Variants in TRPV6 observed in about 807,000 individuals in gnomAD.
TRPV6 encodes the protein Alu-binding protein with zinc finger domain.
In TRPV6, 39 loss-of-function variants were observed where a neutral mutation model predicts 79.0. The ratio of observed to expected loss-of-function variants is 0.49; its 90% CI spans 0.38 to 0.64. TRPV6 has a LOEUF of 0.64. TRPV6 is among the 30% of genes least tolerant of loss of function. TRPV6 has a pLI of 0.00. For missense variants in TRPV6, 813 were observed against 1,011.1 expected (o/e 0.80, Z 2.66); for synonymous variants, 373 against 391.9 (o/e 0.95, Z 0.57).
At chr7:142,884,438 AG>A (rs1795257747) in intron 1 of TRPV6, 1 of 152,320 alleles carries the variant, frequency 6.6e-6, no homozygotes, top group African/African-American at 2.4e-5. Context: ...TTCGTGACCC[AG>A]GGAAAGCCCC....
rs747456435 is a variant in TRPV6 at position 142,874,669 on chromosome 7, G to A, written c.1407-13C>T. 6.8e-6 allele frequency: 11 copies of A among 1,610,210 alleles called. No individual in the cohort carries two copies. In the Admixed American group the frequency reaches 1.8e-4, roughly 27 times the overall value. On this transcript the variant is annotated splice_polypyrimidine_tract_variant and intron_variant, in intron 10 of 14. Coordinates refer to ENST00000359396, the MANE Select transcript of TRPV6 (RefSeq NM_018646.6). ...GGCATAGGTGATGCTGGGGGAGCAG[G>A]GAGGAGGGTGATGAGGGGAGGGCTG... is the stretch of plus-strand genomic sequence containing the variant.
At chr7:142,875,188 A>G in intron 8 of TRPV6, 24 bp from the exon 9 acceptor site, 1 of 1,613,460 alleles carries the variant, frequency 6.2e-7, no homozygotes, top group Non-Finnish European at 8.5e-7. Flanking sequence ...AGAACAGTCA[A>G]AATGCTCAGG....
In TRPV6 at chr7:142,877,290, G is replaced by A. The variant is rs773307571; in HGVS notation, c.470-11C>T. 1 of 1,612,974 alleles carries A rather than the reference G, an allele frequency of 6.2e-7. No individual in the cohort carries two copies. The highest frequency in any genetic ancestry group is 1.7e-5 in the Admixed American group (1 of 60,008). On this transcript the variant is annotated splice_polypyrimidine_tract_variant and intron_variant, in intron 3 of 14. Transcript: ENST00000359396. ...GCAGTGCAGTCTGACCTGGCCCAGA[G>A]ACAGCTGTCAGTCACGGGTCTGTCC...
intron 4 of TRPV6, 75 bp from the exon 5 acceptor site, chr7:142,876,912 A>G (rs748243383): frequency 3.4e-5 from 54 of 1,566,836 alleles, no homozygotes; most frequent in Non-Finnish European, 4.6e-5. Flanking sequence ...CCCAAGTGAC[A>G]GCCTTATCTT....
chr7:142,872,763 TTATAAA>T (rs72283068), intron 13 of TRPV6, among the ~76,000 whole-genome samples: 1,745 of 152,296 alleles, frequency 0.011, 37 homozygotes, highest in African/African-American at 0.04. Flanking sequence ...TAAAGGCCAC[TTATAAA>T]TATAAACATC....
chr7:142,884,854 C>T (rs549803522), intron 1 of TRPV6: 2 of 152,338 alleles, frequency 1.3e-5, no homozygotes. Flanking sequence ...TGGTCAGTGT[C>T]TGATGAGACA....
At chr7:142,879,168 C>T (rs545222017) in intron 1 of TRPV6, 17 of 152,200 alleles carry the variant, frequency 1.1e-4, no homozygotes, top group Admixed American at 8.5e-4. Flanking sequence ...ATTCATTCAT[C>T]GAATTTCATG....
At position 142,877,656 on chromosome 7, in the gene TRPV6, T is replaced by C; in HGVS notation, c.464A>G (p.Tyr155Cys). The stretch of plus-strand genomic sequence containing the variant: ...CCAGACCCGTGGGCCCTCACCCTCA[T>C]AGAGCTCAGATGTCATGGGCTCAAA... The change falls in exon 3 of 15, where the codon TAT becomes TGT. Residue 155 changes from tyrosine to cysteine, a missense_variant. Coordinates refer to ENST00000359396, the MANE Select transcript of TRPV6 (RefSeq NM_018646.6). The C allele has an allele frequency of 1.2e-6, 2 of 1,614,116 alleles. No individual in the cohort carries two copies. The highest frequency in any genetic ancestry group is 1.7e-6 in the Non-Finnish European group (2 of 1,179,998).
At position 142,874,971 on chromosome 7, in the gene TRPV6, T is replaced by C. The variant is rs865932807; in HGVS notation, c.1339A>G (p.Ile447Val). ...AAGCGAGTGACCCCCATTCTGAAGA[T>C]GTCTGGAACCTGAAGAGGTCAGGGA... is the stretch of plus-strand genomic sequence containing the variant. Residue 447 changes from isoleucine to valine, a missense_variant, in exon 10 of 15, where the codon ATC becomes GTC. Ile to Val is a conservative substitution (Grantham distance 29). Coordinates refer to ENST00000359396, the MANE Select transcript of TRPV6 (RefSeq NM_018646.6). 1.1e-5 allele frequency: 18 copies of C among 1,613,986 alleles called. No individual in the cohort carries two copies. The African/African-American group carries it at 1.9e-4, about 17-fold the overall frequency.
In TRPV6 at chr7:142,871,592, C is replaced by T; in HGVS notation, c.*115G>A. ...TACATTCCTTGGCGTTCATGCTACT[C>T]CTCTTTCTCCCCTGGGGCCTGGGAG... On this transcript the variant is annotated 3_prime_UTR_variant, in exon 15 of 15. Transcript: ENST00000359396. 3.9e-6 allele frequency: 5 copies of T among 1,280,124 alleles called. No individual in the cohort carries two copies. In the South Asian group the frequency reaches 5.9e-5, roughly 15 times the overall value. 79.3% of individuals were successfully genotyped at this position (1,280,124 alleles called of 1,614,324 possible). A position where few individuals can be genotyped will look rare whatever the true frequency, so the allele number is the denominator to read the frequency against.
rs757082631 is a variant in TRPV6, at chr7:142,871,733, C to T, written c.2272G>A (p.Gly758Arg). 20 of 1,606,950 alleles carry T rather than the reference C, an allele frequency of 1.2e-5. No individual in the cohort carries two copies. Among genetic ancestry groups the T allele is most frequent in the South Asian group, 9.9e-5 (9 of 90,518 alleles). Residue 758 changes from glycine (G) to arginine (R), a missense_variant, in exon 15 of 15, where the codon GGG becomes AGG. Coordinates refer to ENST00000359396, the MANE Select transcript of TRPV6 (RefSeq NM_018646.6). ...CAGATCTGATATTCCCAGCTCTCCCCGTCCTCCAGACCCCTGTTGATTATC... is the reference window on the plus strand; with the variant it reads ...CAGATCTGATATTCCCAGCTCTCCCTGTCCTCCAGACCCCTGTTGATTATC...
chr7:142,876,552 C>T lies in TRPV6; in HGVS notation c.738G>A (p.Gln246=), dbSNP rs780036067. 1 of 1,614,132 alleles carries T rather than the reference C, an allele frequency of 6.2e-7. No individual in the cohort carries two copies. The highest frequency in any genetic ancestry group is 8.5e-7 in the Non-Finnish European group (1 of 1,180,008). The change falls in exon 6 of 15, where the codon CAG becomes CAA. Residue 246 remains glutamine, a synonymous_variant. Coordinates refer to ENST00000359396, the MANE Select transcript of TRPV6 (RefSeq NM_018646.6). ...TCTGGCAGGCAAAGGTTTTGTTGGG[C>T]TGGAGGATGAGGATGTGTAACACTG...
intron 10 of TRPV6, 116 bp downstream of exon 10, chr7:142,874,788 C>G: frequency 6.5e-7 from 1 of 1,549,786 alleles, no homozygotes; most frequent in Non-Finnish European, 8.9e-7. Flanking sequence ...CAGGGTCATA[C>G]ACACAGCACT....
chr7:142,876,155 A>G, intron 6 of TRPV6: 2 of 688,082 alleles, frequency 2.9e-6, no homozygotes. Flanking sequence ...CTGGGGGCTG[A>G]AAGGGAAGGT....
chr7:142,877,937 T>A lies in TRPV6; in HGVS notation c.338A>T (p.His113Leu). 1 of 1,614,196 alleles carries A rather than the reference T, an allele frequency of 6.2e-7. No homozygotes were observed. The highest frequency in any genetic ancestry group is 8.5e-7 in the Non-Finnish European group (1 of 1,180,026). ...GCATTTGTGCTTCTTACCTCTCTGG[T>A]GCACCTTGCAATCCTCATACTTGAG... Residue 113 changes from histidine (H) to leucine (L), a missense_variant, in exon 2 of 15, where the codon CAC becomes CTC. Physicochemically the swap from His to Leu is moderately conservative, Grantham distance 99 (BLOSUM62 -3). Transcript: ENST00000359396.
At position 142,875,103 on chromosome 7, in the gene TRPV6, C is replaced by A; in HGVS notation, c.1304G>T (p.Gly435Val). 1 of 1,614,124 alleles carries A rather than the reference C, an allele frequency of 6.2e-7. No homozygotes were observed. The highest frequency in any genetic ancestry group is 8.5e-7 in the Non-Finnish European group (1 of 1,180,026). Residue 435 changes from glycine (G) to valine (V), a missense_variant, in exon 9 of 15, where the codon GGG (glycine) becomes GTG (valine). Gly to Val is a moderately radical substitution (Grantham distance 109). This residue lies in a region of TRPV6 where 555 missense variants were observed against 631.0 expected (regional missense o/e 0.88). Coordinates refer to ENST00000359396, the MANE Select transcript of TRPV6 (RefSeq NM_018646.6). ...CTCTACCAGCAGGATGATGATAGCC[C>A]CAATGACAGTCACCAGCTCCCCGAC... is the stretch of plus-strand genomic sequence containing the variant.
In TRPV6 at chr7:142,872,361, A is replaced by G; in HGVS notation, c.2015+11T>C. ...CTTCTCAGGGGACACCTACCCCCGC[A>G]TATCACTCACCGCAGGAACCAGCGG... is the stretch of plus-strand genomic sequence containing the variant. On this transcript the variant is annotated intron_variant, in intron 14 of 14. Coordinates refer to ENST00000359396, the MANE Select transcript of TRPV6 (RefSeq NM_018646.6). 6.2e-7 allele frequency: 1 copy of G among 1,613,802 alleles called. No individual in the cohort carries two copies. The highest frequency in any genetic ancestry group is 8.5e-7 in the Non-Finnish European group (1 of 1,179,762).
rs1208258151 is a variant in TRPV6, at chr7:142,874,112, A to G, written c.1603T>C (p.Trp535Arg). 6.2e-7 allele frequency: 1 copy of G among 1,613,962 alleles called. No homozygotes were observed. The highest frequency in any genetic ancestry group is 2.2e-5 in the East Asian group (1 of 44,882). Reference sequence around the variant, plus strand: ...CCCAGGATGACCACAGCCATCAGCCAGCAGAATCGCATCAGGTCGCCAAAA... The same window carrying G: ...CCCAGGATGACCACAGCCATCAGCCGGCAGAATCGCATCAGGTCGCCAAAA... Residue 535 changes from tryptophan (W) to arginine (R), a missense_variant, in exon 12 of 15, where the codon TGG becomes CGG. Trp to Arg is a moderately radical substitution (Grantham distance 101). Around this residue, in one of 3 missense-constraint regions of TRPV6, gnomAD observed 94 missense variants for 194.0 expected, o/e 0.48. Coordinates refer to ENST00000359396, the MANE Select transcript of TRPV6 (RefSeq NM_018646.6).
Position 142,876,741 on chromosome 7 carries a change from A to T in TRPV6, c.704T>A (p.Leu235Gln), listed in dbSNP as rs1795081526. The T allele has an allele frequency of 6.2e-7, 1 of 1,613,816 alleles. No individual in the cohort carries two copies. The highest frequency in any genetic ancestry group is 1.7e-5 in the Admixed American group (1 of 59,984). The change falls in exon 5 of 15, where the codon CTG (leucine) becomes CAG (glutamine). Residue 235 changes from leucine (L) to glutamine (Q), a missense_variant and splice_region_variant. Physicochemically the swap from Leu to Gln is moderately radical, Grantham distance 113 (BLOSUM62 -2). Transcript: ENST00000359396. ...CCCCTCCCCATCTCAGCTCTTACCC[A>T]GGGAGTCCTGGGCCCGGATGTCAGC...
Sources: gnomAD v4.1 joint callset for allele counts (sites outside exome capture counted in the v4.1 genomes callset) on GRCh38, gnomAD v4.1.1 for gene constraint, gnomAD v4.1.1 regional missense constraint, MANE v1.5 for transcripts, NCBI Gene and HGNC (gene_info 2026-07-23, HGNC 2026-07-21) for gene names.